Variants in ENKUR observed in about 807,000 individuals in gnomAD.
ENKUR encodes the protein enkurin.
Under a neutral mutation model 27.6 loss-of-function variants are expected in ENKUR, and 19 were observed. The observed-to-expected ratio is 0.69, with a 90% CI of 0.48 to 1.01. The LOEUF is 1.01. Ranked by LOEUF, ENKUR falls within the 50% of genes least tolerant of loss-of-function variation. ENKUR has a pLI of 0.00. For missense variants in ENKUR, 312 were observed against 310.5 expected (o/e 1.00, Z -0.04); for synonymous variants, 117 against 96.9 (o/e 1.21, Z -1.22).
chr10:25,011,765 AAAG>A (rs545345231), intron 1 of ENKUR, among the ~76,000 whole-genome samples: 37 of 152,358 alleles, frequency 2.4e-4, no homozygotes, highest in Middle Eastern at 3.4e-3. Context: ...GCAGAGCATA[AAAG>A]TTCAGAAAAT....
intron 2 of ENKUR, among the ~76,000 whole-genome samples, chr10:25,050,828 C>A (rs1463852559): frequency 1.3e-5 from 2 of 152,074 alleles, no homozygotes; most frequent in African/African-American, 4.8e-5. Context: ...GGAGTTAAGT[C>A]AGATTATCAA....
At chr10:25,033,825 GTCTATCTATCTATCTATCTA>G (rs140639853) in intron 2 of ENKUR, among the ~76,000 whole-genome samples, 114 of 148,728 alleles carry the variant, frequency 7.7e-4, no homozygotes, top group East Asian at 4.7e-3. Flanking sequence ...GTGTGTGTGT[GTCTATCTATCTATCTATCTA>G]TCTATCTATC....
chr10:25,046,177 C>T (rs1851119806), intron 2 of ENKUR, among the ~76,000 whole-genome samples: 1 of 152,148 alleles, frequency 6.6e-6, no homozygotes, highest in Non-Finnish European at 1.5e-5. Context: ...TGGCTGTTTT[C>T]TTCACTGAGG....
chr10:25,023,673 A>G (rs771358715), intron 2 of ENKUR: 2 of 1,613,980 alleles, frequency 1.2e-6, no homozygotes, highest in African/African-American at 2.7e-5. Flanking sequence ...AAAATGGAAT[A>G]ATTGTATACC....
At chr10:25,061,343 CT>C (rs2130504171) in exon 2 of ENKUR, 1 of 586,612 alleles carries the variant, frequency 1.7e-6, no homozygotes, top group African/African-American at 1.9e-5. Flanking sequence ...GGTGCAGCTC[CT>C]TCTGTTCCAT....
intron 2 of ENKUR, among the ~76,000 whole-genome samples, chr10:25,041,943 C>T (rs1057206702): frequency 6.6e-6 from 1 of 152,028 alleles, no homozygotes; most frequent in Non-Finnish European, 1.5e-5. Context: ...CCGAATTGAA[C>T]CCTGGACCAG....
At chr10:25,059,437 C>T (rs1851301584) in intron 2 of ENKUR, among the ~76,000 whole-genome samples, 1 of 152,118 alleles carries the variant, frequency 6.6e-6, no homozygotes, top group Non-Finnish European at 1.5e-5. Flanking sequence ...CAGCCTTGTC[C>T]TAATTTTCTT....
chr10:25,026,277 T>C (rs1195718913), intron 2 of ENKUR: 2 of 166,806 alleles, frequency 1.2e-5, no homozygotes, highest in African/African-American at 4.8e-5. Flanking sequence ...TCCTTCACTC[T>C]CCTTTGGATG....
Position 25,023,410 on chromosome 10 carries a change from C to T in ENKUR, c.38-27541G>A, listed in dbSNP as rs750464254. 9 of 1,613,984 alleles carry T rather than the reference C, an allele frequency of 5.6e-6. No individual in the cohort carries two copies. In the African/African-American group the frequency reaches 8.0e-5, roughly 14 times the overall value. On this transcript the variant is annotated intron_variant, in intron 2 of 5. Transcript: ENST00000615958. ...AGACAAAAATATTATCCTGATGGGACCTCCTGGTGCTGGGAAAACAACAGT... is the reference window on the plus strand; with the variant it reads ...AGACAAAAATATTATCCTGATGGGATCTCCTGGTGCTGGGAAAACAACAGT...
chr10:25,058,465 G>T (rs1370916797), intron 2 of ENKUR, among the ~76,000 whole-genome samples: 1 of 152,108 alleles, frequency 6.6e-6, no homozygotes, highest in Non-Finnish European at 1.5e-5. Flanking sequence ...GCCTTGGACT[G>T]TCAAAGCACT....
chr10:25,030,045 G>A (rs913797623), intron 2 of ENKUR, among the ~76,000 whole-genome samples: 3 of 152,128 alleles, frequency 2.0e-5, no homozygotes, highest in East Asian at 1.9e-4. Flanking sequence ...GTAATCCAAC[G>A]ATTTTATCTT....
intron 2 of ENKUR, chr10:25,061,100 T>C (rs1332344810): frequency 2.0e-6 from 3 of 1,535,798 alleles, no homozygotes; most frequent in Non-Finnish European, 2.6e-6. Flanking sequence ...AACACAAGAA[T>C]GTCAGTATTA....
chr10:25,021,229 T>C (rs1850712445), intron 2 of ENKUR, among the ~76,000 whole-genome samples: 1 of 152,244 alleles, frequency 6.6e-6, no homozygotes, highest in Non-Finnish European at 1.5e-5. Flanking sequence ...CTAACCACTA[T>C]GATATGTGCT....
chr10:25,054,194 G>A (rs1321535894), intron 2 of ENKUR, among the ~76,000 whole-genome samples: 1 of 152,208 alleles, frequency 6.6e-6, no homozygotes, highest in Non-Finnish European at 1.5e-5. Flanking sequence ...GCTGAGGTGG[G>A]CGGATCACTT....
intron 1 of ENKUR, among the ~76,000 whole-genome samples, chr10:25,004,195 G>A (rs562121165): frequency 6.6e-6 from 1 of 152,278 alleles, no homozygotes; most frequent in Admixed American, 6.5e-5. Flanking sequence ...CATTTAGGTT[G>A]ATTCCATGTC....
At chr10:24,995,933 T>C (rs1850044358) in intron 2 of ENKUR, 64 bp from the exon 3 acceptor site, 1 of 1,305,796 alleles carries the variant, frequency 7.7e-7, no homozygotes, top group South Asian at 1.5e-5. Flanking sequence ...GTGCTATTTA[T>C]AATATCCAGA....
chr10:25,054,972 G>T (rs1164742245), intron 2 of ENKUR, among the ~76,000 whole-genome samples: 1 of 152,156 alleles, frequency 6.6e-6, no homozygotes, highest in Non-Finnish European at 1.5e-5. Context: ...ACTGCACCTG[G>T]CTGGGTTATT....
intron 2 of ENKUR, chr10:25,025,438 C>G: frequency 6.2e-7 from 1 of 1,602,824 alleles, no homozygotes; most frequent in Non-Finnish European, 8.5e-7. Context: ...ACAACTTGTC[C>G]AAAATCAATT....
chr10:24,984,382 GAAAAA>G lies in ENKUR; in HGVS notation c.765-11_765-7del. 6.4e-6 allele frequency: 9 copies of G among 1,397,860 alleles called. No individual in the cohort carries two copies. Among genetic ancestry groups the G allele is most frequent in the South Asian group, 3.2e-5 (2 of 63,490 alleles). 86.6% of individuals were successfully genotyped at this position (1,397,860 alleles called of 1,614,324 possible). A position where few individuals can be genotyped will look rare whatever the true frequency, so the allele number is the denominator to read the frequency against. ...TGTGCTGTTGGTATCATGCGCTGCA[GAAAAA>G]AAAAAAAAAAAGTGAAGTTCTGAGT... is the stretch of plus-strand genomic sequence containing the variant. On this transcript the variant is annotated splice_polypyrimidine_tract_variant and splice_region_variant and intron_variant, in intron 5 of 5. Transcript: ENST00000331161.
Sources: allele counts gnomAD v4.1 joint callset (sites outside exome capture counted in the v4.1 genomes callset), GRCh38; gene constraint gnomAD v4.1.1; transcripts MANE v1.5; gene names NCBI Gene and HGNC (gene_info 2026-07-23, HGNC 2026-07-21).